The following PTCH1 variants were observed in gnomAD, a reference collection of about 807,000 sequenced individuals.
PTCH1 encodes patched 1.
Under a neutral mutation model 144.6 loss-of-function variants are expected in PTCH1, and 14 were observed. The ratio of observed to expected loss-of-function variants is 0.10; its 90% CI spans 0.06 to 0.15. The LOEUF is 0.15. PTCH1 is among the 10% of genes least tolerant of loss of function. The pLI, the probability that PTCH1 is intolerant of heterozygous loss-of-function variation, is 1.00. For synonymous variants in PTCH1, 833 were observed against 793.6 expected (o/e 1.05, Z -0.83); for missense variants, 1,623 against 1,948.3 (o/e 0.83, Z 3.14).
At chr9:95,447,635 C>T (rs1466440861) in intron 22 of PTCH1, among the ~76,000 whole-genome samples, 184 bp from the exon 23 acceptor site, 30 of 152,204 alleles carry the variant, frequency 2.0e-4, no homozygotes, top group Admixed American at 1.8e-3. Context: ...GGCGGAGGAG[C>T]GTGTTGTTTG....
intron 1 of PTCH1, among the ~76,000 whole-genome samples, chr9:95,515,331 T>C (rs117380654): frequency 0.016 from 2,407 of 152,298 alleles, 50 homozygotes; most frequent in African/African-American, 0.045. Context: ...TATTTATGTC[T>C]AGTTCTTTTG....
intron 15 of PTCH1, among the ~76,000 whole-genome samples, chr9:95,466,540 C>T (rs1840017009): frequency 6.6e-6 from 1 of 152,130 alleles, no homozygotes; most frequent in Non-Finnish European, 1.5e-5. Context: ...GGGATGTTTA[C>T]AGTCGAGGGG....
At chr9:95,446,828 G>A in intron 23 of PTCH1, 83 bp downstream of exon 23, 1 of 1,581,238 alleles carries the variant, frequency 6.3e-7, no homozygotes, top group Non-Finnish European at 8.6e-7. Context: ...AGCCCCTCGG[G>A]GATGCCGAGA....
At chr9:95,482,466 T>A in intron 3 of PTCH1, 1 of 521,848 alleles carries the variant, frequency 1.9e-6, no homozygotes, top group Admixed American at 3.3e-5. Context: ...TTAAGTGTTC[T>A]CCCAATAATC....
intron 2 of PTCH1, among the ~76,000 whole-genome samples, chr9:95,502,012 A>C (rs1843180805): frequency 6.6e-6 from 1 of 152,146 alleles, no homozygotes; most frequent in Non-Finnish European, 1.5e-5. Context: ...GCCCCCAGCC[A>C]AGCAGGGAGA....
chr9:95,477,976 C>T (rs1317926420), intron 9 of PTCH1, 79 bp downstream of exon 9: 19 of 1,601,436 alleles, frequency 1.2e-5, no homozygotes, highest in Non-Finnish European at 1.5e-5. Flanking sequence ...AGTTAAGAAG[C>T]AGGAGCAGTC....
Position 95,508,574 on chromosome 9 carries a change from T to G in PTCH1, c.-213A>C, listed in dbSNP as rs1031688366. ...CTGCTGCCGCTGCGGCCGCGGCCGC[T>G]GCCGGGGAGTCAGACCCTGCGCCTT... On this transcript the variant is annotated 5_prime_UTR_variant, in exon 1 of 24. Transcript: ENST00000331920. 5 of 1,000,642 alleles carry G rather than the reference T, an allele frequency of 5.0e-6. No individual in the cohort carries two copies. In the African/African-American group the frequency reaches 5.2e-5, roughly 10 times the overall value. 62.0% of individuals were successfully genotyped at this position (1,000,642 alleles called of 1,614,324 possible).
chr9:95,472,103 CACAG>C (rs1313131864), intron 12 of PTCH1, among the ~76,000 whole-genome samples: 1 of 139,578 alleles, frequency 7.2e-6, no homozygotes, highest in African/African-American at 3.3e-5. Flanking sequence ...GTGAAAAAAA[CACAG>C]AGTGTGCAAG....
intron 2 of PTCH1, among the ~76,000 whole-genome samples, chr9:95,495,681 T>A (rs926294010): frequency 2.0e-5 from 3 of 152,030 alleles, no homozygotes; most frequent in Non-Finnish European, 4.4e-5. Flanking sequence ...TGCTATCCCA[T>A]CCAGCAAGGA....
intron 8 of PTCH1, among the ~76,000 whole-genome samples, chr9:95,478,442 G>T (rs1841262874): frequency 6.6e-6 from 1 of 152,184 alleles, no homozygotes; most frequent in South Asian, 2.1e-4. Flanking sequence ...AGTTCACTCT[G>T]AGTGCTGTAT....
rs1840011726 is a variant in PTCH1, at chr9:95,466,488, T to C, written c.2560+628A>G. On this transcript the variant is annotated intron_variant, in intron 15 of 23. Coordinates refer to ENST00000331920, the MANE Select transcript of PTCH1 (RefSeq NM_000264.5). ...GTAAACTATGGAGCCTGGGTAATAA[T>C]GTGCAGGTTCATCAGCTGTAACAAA... is the stretch of plus-strand genomic sequence containing the variant. Among the ~76,000 whole-genome samples, 5 of 152,310 alleles carry C rather than the reference T, an allele frequency of 3.3e-5. No homozygotes were observed. In the South Asian group the frequency reaches 1.0e-3, roughly 32 times the overall value.
intron 16 of PTCH1, among the ~76,000 whole-genome samples, chr9:95,460,238 A>G (rs1041981316): frequency 6.6e-6 from 1 of 152,218 alleles, no homozygotes; most frequent in Non-Finnish European, 1.5e-5. Context: ...CATCTGTATA[A>G]ATTTTGCTAA....
rs2118415735 is a variant in PTCH1 at position 95,480,437 on chromosome 9, C to T, written c.898G>A (p.Ala300Thr). The change falls in exon 6 of 24, where the codon GCC becomes ACC. Residue 300 changes from alanine (A) to threonine (T), a missense_variant. Ala to Thr is a moderately conservative substitution (Grantham distance 58, BLOSUM62 0). Around this residue, in one of 7 missense-constraint regions of PTCH1, gnomAD observed 230 missense variants for 271.0 expected, o/e 0.85. Coordinates refer to ENST00000331920, the MANE Select transcript of PTCH1 (RefSeq NM_000264.5). ...GYMDRPCLNP[A>T]DPDCPATAPN... Reference sequence around the variant, plus strand: ...GCTGTGGCGGGGCAGTCTGGATCGGCCGGATTGAGGCAGGGGCGGTCCATG... The same window carrying T: ...GCTGTGGCGGGGCAGTCTGGATCGGTCGGATTGAGGCAGGGGCGGTCCATG... The T allele has an allele frequency of 6.2e-7, 1 of 1,611,314 alleles. No homozygotes were observed. Among genetic ancestry groups the T allele is most frequent in the East Asian group, 2.2e-5 (1 of 44,814 alleles).
At position 95,449,255 on chromosome 9, in the gene PTCH1, G is replaced by A. The variant is rs2136601323; in HGVS notation, c.3618C>T (p.Arg1206=). 2 of 1,569,996 alleles carry A rather than the reference G, an allele frequency of 1.3e-6. No individual in the cohort carries two copies. The highest frequency in any genetic ancestry group is 1.3e-5 in the African/African-American group (1 of 74,268). Residue 1206 remains arginine (R), a synonymous_variant, in exon 22 of 24, where the codon CGC becomes CGT. Coordinates refer to ENST00000331920, the MANE Select transcript of PTCH1 (RefSeq NM_000264.5). This position sits in a 1 kb window ranked among gnomAD's most constrained non-coding sequence, Gnocchi z 5.3. The part of the protein sequence containing the change: ...PSPEPPPSVV[R]FAMPPGHTHS... ...GCGTGTGGCCGGGCGGCATGGCGAAGCGGACCACGCTGGGGGGTGGCTCAG... is the reference window on the plus strand; with the variant it reads ...GCGTGTGGCCGGGCGGCATGGCGAAACGGACCACGCTGGGGGGTGGCTCAG...
chr9:95,516,544 T>G, exon 1 of PTCH1: 1 of 1,540,862 alleles, frequency 6.5e-7, no homozygotes, highest in Non-Finnish European at 8.7e-7. Flanking sequence ...TCACATCAAT[T>G]CCTTTTTTTT....
intron 2 of PTCH1, among the ~76,000 whole-genome samples, chr9:95,502,522 A>T (rs1421531154): frequency 6.6e-6 from 1 of 152,250 alleles, no homozygotes; most frequent in African/African-American, 2.4e-5. Flanking sequence ...TACATCAGTC[A>T]ACATATTCTC....
chr9:95,509,183 T>G lies in PTCH1; in HGVS notation c.-822A>C, dbSNP rs1427248451. 6.6e-6 allele frequency among the ~76,000 whole-genome samples: 1 copy of G among 151,618 alleles called. No individual in the cohort carries two copies. The highest frequency in any genetic ancestry group is 1.5e-5 in the Non-Finnish European group (1 of 67,962). On this transcript the variant is annotated 5_prime_UTR_variant, in exon 1 of 24. Transcript: ENST00000331920. ...AGCGGGCAGCGGCCGCAGCAGCTCC[T>G]TGATTCAATAGATGAGATGGAAGAA...
In PTCH1 at chr9:95,479,005, C is replaced by T. The variant is rs2118363859; in HGVS notation, c.1210G>A (p.Val404Met). 6.2e-7 allele frequency: 1 copy of T among 1,614,246 alleles called. No individual in the cohort carries two copies. Among genetic ancestry groups the T allele is most frequent in the Non-Finnish European group, 8.5e-7 (1 of 1,180,058 alleles). Residue 404 changes from valine (V) to methionine (M), a missense_variant, in exon 8 of 24, where the codon GTG (valine) becomes ATG (methionine). Coordinates refer to ENST00000331920, the MANE Select transcript of PTCH1 (RefSeq NM_000264.5). ...AILEAWQRTY[V>M]EVVHQSVAQN... is the part of the protein sequence containing the mutation. ...CGATTCGAAGGTGGGTTTACCTCCA[C>T]ATATGTCCTCTGCCAGGCCTCCAGG... is the stretch of plus-strand genomic sequence containing the variant.
Position 95,485,856 on chromosome 9 carries a change from C to A in PTCH1, c.413G>T (p.Arg138Leu). 1 of 1,614,170 alleles carries A rather than the reference C, an allele frequency of 6.2e-7. No homozygotes were observed. The highest frequency in any genetic ancestry group is 8.5e-7 in the Non-Finnish European group (1 of 1,180,040). The change falls in exon 3 of 24, where the codon CGT becomes CTT. Residue 138 changes from arginine to leucine, a missense_variant. Physicochemically the swap from Arg to Leu is moderately radical, Grantham distance 102. Transcript: ENST00000331920. ...LWVEVGGRVSRELNYTRQKIG... is the reference protein window; with the variant it reads ...LWVEVGGRVSLELNYTRQKIG... ...CTTCTGGCGAGTATAATTTAATTCA[C>A]GACTTACTCGTCCTCCAACTGACAA...
Sources: gnomAD v4.1 joint callset for allele counts (sites outside exome capture counted in the v4.1 genomes callset) on GRCh38, gnomAD v4.1.1 for gene constraint, gnomAD v4.1.1 regional missense constraint, Gnocchi (gnomAD v3.1) non-coding constraint, MANE v1.5 for transcripts, NCBI Gene and HGNC (gene_info 2026-07-23, HGNC 2026-07-21) for gene names.